Variants in NT5DC3 observed in about 807,000 individuals in gnomAD.
NT5DC3 encodes 5'-nucleotidase domain containing 3.
NT5DC3 carries 42 observed loss-of-function variants against 67.8 expected under a neutral mutation model. That is an observed-to-expected ratio of 0.62 (90% CI 0.48 to 0.80). The LOEUF is 0.80. Among genes scored for constraint, NT5DC3 ranks in the 30% least tolerant of loss-of-function variants. NT5DC3 has a pLI of 0.00. For synonymous variants in NT5DC3, 237 were observed against 255.6 expected, an observed-to-expected ratio of 0.93 and a Z score of 0.69; for missense variants, 570 against 696.4, an observed-to-expected ratio of 0.82 and a Z score of 2.04.
chr12:103,797,159 G>T (rs1886355561), intron 5 of NT5DC3, 128 bp from the exon 6 acceptor site: 2 of 1,002,890 alleles, frequency 2.0e-6, no homozygotes, highest in Non-Finnish European at 3.0e-6. Context: ...CACAAAAAAG[G>T]AAAGTTCTAA....
At position 103,800,370 on chromosome 12, in the gene NT5DC3, C is replaced by T. The variant is rs114743231; in HGVS notation, c.525-1693G>A. Among the ~76,000 whole-genome samples, 1,151 of 152,332 alleles carry T rather than the reference C, an allele frequency of 7.6e-3. 18 individuals are homozygous for T. Among genetic ancestry groups the T allele is most frequent in the African/African-American group, 0.027 (1,116 of 41,574 alleles). Reference sequence around the variant, plus strand: ...GACACTGGCACTAAGCCAGATCATTCGAGGCAGTGACCTTGGAAATCAGCC... The same window carrying T: ...GACACTGGCACTAAGCCAGATCATTTGAGGCAGTGACCTTGGAAATCAGCC... On this transcript the variant is annotated intron_variant, in intron 4 of 13. Transcript: ENST00000392876.
chr12:103,772,745 G>C lies in NT5DC3; in HGVS notation c.*5084C>G, dbSNP rs1364450381. ...AGGGTTTCCCAAGTTGGGGTGAGGA[G>C]GCCAGCCCTTTGTACCCCATATGGA... On this transcript the variant is annotated 3_prime_UTR_variant, in exon 14 of 14. Coordinates refer to ENST00000392876, the MANE Select transcript of NT5DC3 (RefSeq NM_001031701.3). The C allele has an allele frequency of 6.6e-6, 1 of 152,332 alleles. No homozygotes were observed. Among genetic ancestry groups the C allele is most frequent in the Non-Finnish European group, 1.5e-5 (1 of 68,152 alleles). 9.4% of individuals were successfully genotyped at this position (152,332 alleles called of 1,614,324 possible).
chr12:103,805,474 T>C (rs1886758852), intron 4 of NT5DC3, among the ~76,000 whole-genome samples: 1 of 152,196 alleles, frequency 6.6e-6, no homozygotes, highest in African/African-American at 2.4e-5. Flanking sequence ...GTATAAGCTG[T>C]GCACCTAAAT....
chr12:103,810,810 A>G (rs768450879), intron 2 of NT5DC3, among the ~76,000 whole-genome samples: 1 of 152,210 alleles, frequency 6.6e-6, no homozygotes, highest in African/African-American at 2.4e-5. Flanking sequence ...TACAGGTCTC[A>G]GATACAGCTA....
chr12:103,756,245 C>T, the NT5DC3 span, among the ~76,000 whole-genome samples: 4 of 152,324 alleles, frequency 2.6e-5, no homozygotes, highest in South Asian at 2.1e-4. Context: ...AAGTCATATC[C>T]AGCGAAGAGA....
At chr12:103,749,198 G>A in the NT5DC3 span, 9 of 1,550,834 alleles carry the variant, frequency 5.8e-6, no homozygotes, top group South Asian at 2.4e-5. Context: ...GCAGCGCCGT[G>A]GGCTTCGCTC....
intron 1 of NT5DC3, 81 bp downstream of exon 1, chr12:103,840,868 C>A: frequency 1.3e-6 from 1 of 769,386 alleles, no homozygotes; most frequent in Non-Finnish European, 1.8e-6. Flanking sequence ...CTGGGCTGGT[C>A]CGGGTCCTAG....
chr12:103,749,021 G>A, the NT5DC3 span: 1 of 1,614,134 alleles, frequency 6.2e-7, no homozygotes, highest in Non-Finnish European at 8.5e-7. Flanking sequence ...GATGCTCCCA[G>A]AAGGGCACGA....
chr12:103,797,085 G>C (rs981093737), intron 5 of NT5DC3, 54 bp from the exon 6 acceptor site: 11 of 1,598,466 alleles, frequency 6.9e-6, no homozygotes, highest in East Asian at 2.2e-5. Context: ...GCAAGGGACA[G>C]AGCCACGAAG....
rs182214607 is a variant in NT5DC3 at position 103,792,304 on chromosome 12, G to A, written c.1019+860C>T. Among the ~76,000 whole-genome samples the A allele has an allele frequency of 2.4e-3, 365 of 152,292 alleles. 1 individual carries two copies. Among genetic ancestry groups the A allele is most frequent in the African/African-American group, 8.3e-3 (343 of 41,552 alleles). On this transcript the variant is annotated intron_variant, in intron 9 of 13. Coordinates refer to ENST00000392876, the MANE Select transcript of NT5DC3 (RefSeq NM_001031701.3). Reference sequence around the variant, plus strand: ...TTTGCCTCTTCTTCCTGGAGTCACTGTGACACGTGGAAAACTGGGACAAGA... The same window carrying A: ...TTTGCCTCTTCTTCCTGGAGTCACTATGACACGTGGAAAACTGGGACAAGA...
At chr12:103,771,427 C>A (rs1483640701), downstream of NT5DC3, 4 of 152,148 alleles carry the variant, frequency 2.6e-5, no homozygotes, top group Non-Finnish European at 5.9e-5. Context: ...ATGTTTCCAC[C>A]TACATGAATT....
chr12:103,764,759 A>T, the NT5DC3 span, among the ~76,000 whole-genome samples: 2 of 151,304 alleles, frequency 1.3e-5, no homozygotes, highest in Non-Finnish European at 2.9e-5. Context: ...TGCAAATCAT[A>T]TTTTTTTAAT....
intron 1 of NT5DC3, among the ~76,000 whole-genome samples, chr12:103,832,131 G>A (rs918624925): frequency 6.6e-6 from 1 of 151,874 alleles, no homozygotes; most frequent in Non-Finnish European, 1.5e-5. Context: ...TCAGAGTTCA[G>A]TTATGACTTC....
At chr12:103,830,566 T>C (rs571668110) in intron 1 of NT5DC3, among the ~76,000 whole-genome samples, 5 of 152,226 alleles carry the variant, frequency 3.3e-5, no homozygotes, top group Non-Finnish European at 7.3e-5. Flanking sequence ...ATCCATCTCT[T>C]TGATTATATT....
At chr12:103,800,184 CCT>C (rs984705447) in intron 4 of NT5DC3, among the ~76,000 whole-genome samples, 114 of 152,332 alleles carry the variant, frequency 7.5e-4, no homozygotes, top group African/African-American at 2.5e-3. Flanking sequence ...ATCACTTCAA[CCT>C]CTTTCCTCCC....
At chr12:103,781,452 C>T (rs1001280365) in intron 12 of NT5DC3, among the ~76,000 whole-genome samples, 1 of 152,234 alleles carries the variant, frequency 6.6e-6, no homozygotes, top group African/African-American at 2.4e-5. Context: ...GGCCACCCTT[C>T]GGGCCTTACC....
the NT5DC3 span, among the ~76,000 whole-genome samples, chr12:103,752,565 G>A: frequency 0.087 from 13,202 of 152,214 alleles, 809 homozygotes; most frequent in East Asian, 0.24. Context: ...GTATCTTAGG[G>A]GGAAATGAAT....
the NT5DC3 span, among the ~76,000 whole-genome samples, chr12:103,758,898 A>G: frequency 6.6e-6 from 1 of 152,172 alleles, no homozygotes; most frequent in South Asian, 2.1e-4. Context: ...CACCGCTGGA[A>G]AGCTCTGCTC....
chr12:103,795,892 G>A (rs1032099609), intron 6 of NT5DC3, among the ~76,000 whole-genome samples: 1 of 152,050 alleles, frequency 6.6e-6, no homozygotes, highest in Admixed American at 6.5e-5. Context: ...TATGTGAAAC[G>A]ACATAAAGCA....
Sources: allele counts gnomAD v4.1 joint callset (sites outside exome capture counted in the v4.1 genomes callset), GRCh38; gene constraint gnomAD v4.1.1; transcripts MANE v1.5; gene names NCBI Gene and HGNC (gene_info 2026-07-23, HGNC 2026-07-21).